Variants in PIEZO2 observed in about 807,000 individuals in gnomAD.
PIEZO2 encodes the protein piezo-type mechanosensitive ion channel component 2.
A neutral mutation model predicts 337.3 loss-of-function variants in PIEZO2; 172 were observed. That is an observed-to-expected ratio of 0.51 (90% confidence interval 0.45 to 0.58). The LOEUF is 0.58. Ranked by LOEUF, PIEZO2 falls within the 20% of genes least tolerant of loss-of-function variation. The pLI, the probability that PIEZO2 is intolerant of heterozygous loss-of-function variation, is 0.00. For synonymous variants in PIEZO2, 1,251 were observed against 1,228.5 expected (o/e 1.02, Z -0.38); for missense variants, 3,028 against 3,391.3 (o/e 0.89, Z 2.66).
rs8088628 is a variant in PIEZO2, at chr18:10,891,488, A to C, written c.329+19698T>G. Among the ~76,000 whole-genome samples, 318 of 152,298 alleles carry C rather than the reference A, an allele frequency of 2.1e-3. 1 individual carries two copies. The highest frequency in any genetic ancestry group is 7.3e-3 in the African/African-American group (304 of 41,568). On this transcript the variant is annotated intron_variant, in intron 4 of 55. Transcript: ENST00000674853. ...ACTTCAAAATTCATCCTTTTCCAGAATGCAGAAAGACACATGTTACATACA... is the reference window on the plus strand; with the variant it reads ...ACTTCAAAATTCATCCTTTTCCAGACTGCAGAAAGACACATGTTACATACA...
intron 45 of PIEZO2, 44 bp from the exon 46 acceptor site, chr18:10,696,583 A>G: frequency 1.2e-6 from 2 of 1,607,130 alleles, no homozygotes; most frequent in Admixed American, 1.7e-5. Context: ...TGTTTCAGGA[A>G]GGGCAGGATG....
rs1433112046 is a variant in PIEZO2 at position 10,945,871 on chromosome 18, G to A, written c.286+33664C>T. Among the ~76,000 whole-genome samples the A allele has an allele frequency of 3.9e-5, 6 of 152,120 alleles. No individual in the cohort carries two copies. In the East Asian group the frequency reaches 7.7e-4, roughly 19 times the overall value. On this transcript the variant is annotated intron_variant, in intron 3 of 55. Transcript: ENST00000674853. The surrounding 1 kb of genome is among the most constrained non-coding windows in gnomAD (Gnocchi z 4.0). ...GATAATAACTATAATGCCTGAAATT[G>A]AAAACACACTGAATGGGGATTAAAA...
At chr18:11,029,752 C>A (rs1432989492) in intron 2 of PIEZO2, among the ~76,000 whole-genome samples, 1 of 152,134 alleles carries the variant, frequency 6.6e-6, no homozygotes, top group East Asian at 1.9e-4. Context: ...TCCCTCCCTG[C>A]CTCTGACTTC....
In PIEZO2 at chr18:10,833,366, G is replaced by T. The variant is rs142177806; in HGVS notation, c.917+21987C>A. Among the ~76,000 whole-genome samples the T allele has an allele frequency of 0.01, 1,598 of 152,250 alleles. 33 individuals are homozygous for T. The highest frequency in any genetic ancestry group is 0.036 in the African/African-American group (1,482 of 41,540). On this transcript the variant is annotated intron_variant, in intron 7 of 55. Transcript: ENST00000674853. The surrounding 1 kb of genome is among the most constrained non-coding windows in gnomAD (Gnocchi z 4.7). ...TTCGGAGCCCACTGTGACACCTGCA[G>T]CCTCGCCCTCTCCTGTTGGAATCAT...
intron 3 of PIEZO2, among the ~76,000 whole-genome samples, chr18:10,967,381 T>G (rs1231724430): frequency 6.6e-6 from 1 of 152,214 alleles, no homozygotes; most frequent in African/African-American, 2.4e-5. Flanking sequence ...CCATATTTTT[T>G]GCAGTTACAA....
Position 10,762,557 on chromosome 18 carries a change from G to T in PIEZO2, c.3192C>A (p.Ile1064=). 1 of 1,537,382 alleles carries T rather than the reference G, an allele frequency of 6.5e-7. No homozygotes were observed. The highest frequency in any genetic ancestry group is 8.7e-7 in the Non-Finnish European group (1 of 1,146,924). ...GCAGGCCGACCCACTCTGTAGGATC[G>T]ATAGGAGCGCTGTAGAGCAGAGACT... is the stretch of plus-strand genomic sequence containing the variant. ...LNKSLLYSAP[I]DPTEWVGLRK... Residue 1064 remains isoleucine, a synonymous_variant, in exon 23 of 56, where the codon ATC becomes ATA. Coordinates refer to ENST00000674853, the MANE Select transcript of PIEZO2 (RefSeq NM_001378183.1).
At chr18:10,900,456 A>G (rs1301718166) in intron 4 of PIEZO2, among the ~76,000 whole-genome samples, 2 of 152,228 alleles carry the variant, frequency 1.3e-5, no homozygotes, top group East Asian at 3.8e-4. Flanking sequence ...AGACTGGAAG[A>G]GACCTCTGCC....
intron 2 of PIEZO2, among the ~76,000 whole-genome samples, chr18:11,051,364 TGTGTGGGTGTGG>T: frequency 6.6e-6 from 1 of 151,852 alleles, no homozygotes. Context: ...TGTGTGTGTG[TGTGTGGGTGTGG>T]GTGTGGGTGT....
chr18:11,130,735 G>A (rs2146235660), intron 1 of PIEZO2, among the ~76,000 whole-genome samples: 1 of 152,346 alleles, frequency 6.6e-6, no homozygotes, highest in Non-Finnish European at 1.5e-5. Flanking sequence ...TAAGGTAAAG[G>A]ATAAGTTGCT....
chr18:10,759,626 T>C lies in PIEZO2; in HGVS notation c.3656-43A>G. On this transcript the variant is annotated intron_variant, in intron 25 of 55. Coordinates refer to ENST00000674853, the MANE Select transcript of PIEZO2 (RefSeq NM_001378183.1). The surrounding 1 kb of genome is among the most constrained non-coding windows in gnomAD (Gnocchi z 5.5). ...GCGAACAGCACAATCAATACTCTTC[T>C]TCACCACTCTTCTCCCAGCCGTCCG... 1 of 1,535,002 alleles carries C rather than the reference T, an allele frequency of 6.5e-7. No homozygotes were observed. The highest frequency in any genetic ancestry group is 1.2e-5 in the South Asian group (1 of 84,008).
At position 10,954,751 on chromosome 18, in the gene PIEZO2, A is replaced by G. The variant is rs264180; in HGVS notation, c.286+24784T>C. 0.43 allele frequency among the ~76,000 whole-genome samples: 64,884 copies of G among 152,038 alleles called. 14,607 individuals carry two copies. Among genetic ancestry groups the G allele is most frequent in the Non-Finnish European group, 0.51 (34,705 of 67,952 alleles). Reference sequence around the variant, plus strand: ...GCCACAGGTCCCAGAGACAGGGGAGACCAGGAGGACCTGAAGCAACGCATG... The same window carrying G: ...GCCACAGGTCCCAGAGACAGGGGAGGCCAGGAGGACCTGAAGCAACGCATG... On this transcript the variant is annotated intron_variant, in intron 3 of 55. Transcript: ENST00000674853. This position sits in a 1 kb window ranked among gnomAD's most constrained non-coding sequence, Gnocchi z 4.2.
chr18:11,141,133 C>T (rs143266432), intron 1 of PIEZO2, among the ~76,000 whole-genome samples: 3 of 152,314 alleles, frequency 2.0e-5, no homozygotes, highest in African/African-American at 7.2e-5. Flanking sequence ...CATCATTATG[C>T]TGAGAAACCT....
Position 10,744,187 on chromosome 18 carries a change from G to T in PIEZO2, c.4469C>A (p.Ala1490Glu), listed in dbSNP as rs2037334457. 2 of 1,536,678 alleles carry T rather than the reference G, an allele frequency of 1.3e-6. No homozygotes were observed. Among genetic ancestry groups the T allele is most frequent in the African/African-American group, 2.7e-5 (2 of 72,990 alleles). The change falls in exon 31 of 56, where the codon GCA becomes GAA. Residue 1490 changes from alanine (A) to glutamate (E), a missense_variant. Around this residue, in one of 5 missense-constraint regions of PIEZO2, gnomAD observed 1,925 missense variants for 2,051.9 expected, o/e 0.94. Coordinates refer to ENST00000674853, the MANE Select transcript of PIEZO2 (RefSeq NM_001378183.1). ...GGACTTCTTCTCTTCCTCAATTCTT[G>T]CCTTTACAGCTTTTACAATTGTGGC... ...FQATIVKAVK[A>E]RIEEEKKSMD... is the part of the protein sequence containing the mutation.
chr18:10,830,171 G>A lies in PIEZO2; in HGVS notation c.918-22897C>T, dbSNP rs1242963175. Among the ~76,000 whole-genome samples the A allele has an allele frequency of 6.6e-6, 1 of 152,130 alleles. No individual in the cohort carries two copies. Among genetic ancestry groups the A allele is most frequent in the Non-Finnish European group, 1.5e-5 (1 of 68,008 alleles). ...CAGTGAACTTGCTTTTGACAAAGGT[G>A]CTAAGAACATACACATGGGAAAGGA... On this transcript the variant is annotated intron_variant, in intron 7 of 55. Coordinates refer to ENST00000674853, the MANE Select transcript of PIEZO2 (RefSeq NM_001378183.1). This position sits in a 1 kb window ranked among gnomAD's most constrained non-coding sequence, Gnocchi z 4.7.
chr18:10,913,386 G>C (rs2030650300), intron 3 of PIEZO2, among the ~76,000 whole-genome samples: 1 of 152,096 alleles, frequency 6.6e-6, no homozygotes. Flanking sequence ...AAGTGTGGAG[G>C]GTCCCCGGAG....
intron 18 of PIEZO2, 36 bp downstream of exon 18, chr18:10,780,289 G>A (rs750287198): frequency 3.4e-5 from 24 of 702,274 alleles, no homozygotes; most frequent in Middle Eastern, 2.3e-4. Context: ...AAATAGCTTC[G>A]AACAAAAATA....
intron 39 of PIEZO2, among the ~76,000 whole-genome samples, chr18:10,712,555 G>A (rs2035861961): frequency 6.6e-6 from 1 of 152,154 alleles, no homozygotes. Context: ...CTTTTTGTCT[G>A]AATGGAATCT....
In PIEZO2 at chr18:10,856,480, A is replaced by G. The variant is rs1033946471; in HGVS notation, c.703+521T>C. On this transcript the variant is annotated intron_variant, in intron 6 of 55. Transcript: ENST00000674853. The surrounding 1 kb of genome is among the most constrained non-coding windows in gnomAD (Gnocchi z 4.7). ...GAAGGAGGGAAAAGATCAAGATAAC[A>G]TTATTATGGAATAAGCGGTCCAAGT... is the stretch of plus-strand genomic sequence containing the variant. Among the ~76,000 whole-genome samples, 14 of 152,212 alleles carry G rather than the reference A, an allele frequency of 9.2e-5. No homozygotes were observed. Among genetic ancestry groups the G allele is most frequent in the African/African-American group, 3.1e-4 (13 of 41,440 alleles).
Position 11,131,376 on chromosome 18 carries a change from C to CCCA in PIEZO2, c.64+17146_64+17148dup, listed in dbSNP as rs1282585431. ...CCACCCCTGCTACCCTGTCTTCTCT[C>CCCA]CCACAGCCTGCACCGATGGCCTCAT... On this transcript the variant is annotated intron_variant, in intron 1 of 55. Coordinates refer to ENST00000674853, the MANE Select transcript of PIEZO2 (RefSeq NM_001378183.1). The surrounding 1 kb of genome is among the most constrained non-coding windows in gnomAD (Gnocchi z 5.3). Among the ~76,000 whole-genome samples the CCCA allele has an allele frequency of 1.3e-5, 2 of 152,186 alleles. No individual in the cohort carries two copies. Among genetic ancestry groups the CCCA allele is most frequent in the African/African-American group, 4.8e-5 (2 of 41,452 alleles).
Sources: gnomAD v4.1 joint callset for allele counts (sites outside exome capture counted in the v4.1 genomes callset) on GRCh38, gnomAD v4.1.1 for gene constraint, gnomAD v4.1.1 regional missense constraint, Gnocchi (gnomAD v3.1) non-coding constraint, MANE v1.5 for transcripts, NCBI Gene and HGNC (gene_info 2026-07-23, HGNC 2026-07-21) for gene names.